EFR3A: variants seen among roughly 807,000 people sequenced by gnomAD.
EFR3A encodes protein EFR3 homolog A.
Under a neutral mutation model 104.4 loss-of-function variants are expected in EFR3A, and 76 were observed. That is an observed-to-expected ratio of 0.73 (90% confidence interval 0.60 to 0.88). The LOEUF (loss-of-function observed/expected upper bound fraction) is 0.88, where lower values mean the gene tolerates loss of function less well. Ranked by LOEUF, EFR3A falls within the 40% of genes least tolerant of loss-of-function variation. The pLI is 0.00. For synonymous variants in EFR3A, 330 were observed against 330.0 expected (o/e 1.00, Z 0.00); for missense variants, 985 against 1,012.5 (o/e 0.97, Z 0.37).
chr8:131,977,285 T>C (rs1820372102), intron 12 of EFR3A, among the ~76,000 whole-genome samples, 193 bp downstream of exon 12: 1 of 152,180 alleles, frequency 6.6e-6, no homozygotes, highest in Admixed American at 6.5e-5. Flanking sequence ...TCACTGTCTT[T>C]GATCTTCATA....
At chr8:131,998,086 C>T (rs1821586178) in intron 19 of EFR3A, among the ~76,000 whole-genome samples, 1 of 152,018 alleles carries the variant, frequency 6.6e-6, no homozygotes, top group South Asian at 2.1e-4. Flanking sequence ...TTTAGTGTCA[C>T]ATTTGCTTGA....
chr8:131,965,710 G>C (rs1033997308), intron 8 of EFR3A, among the ~76,000 whole-genome samples: 3 of 151,742 alleles, frequency 2.0e-5, no homozygotes, highest in Admixed American at 1.3e-4. Flanking sequence ...CCCATTACTG[G>C]GTATATACCC....
intron 8 of EFR3A, among the ~76,000 whole-genome samples, chr8:131,961,477 T>G (rs1474005978): frequency 6.6e-6 from 1 of 152,050 alleles, no homozygotes. Context: ...GAAGATCAAA[T>G]GAATGAAATG....
At chr8:131,911,578 G>C (rs1388713690) in intron 1 of EFR3A, among the ~76,000 whole-genome samples, 2 of 152,132 alleles carry the variant, frequency 1.3e-5, no homozygotes, top group Non-Finnish European at 2.9e-5. Flanking sequence ...AAGGTTCACT[G>C]AAAAATCAAC....
In EFR3A at chr8:132,006,626, C is replaced by T. The variant is rs547983353; in HGVS notation, c.2360+3341C>T. 1.9e-3 allele frequency among the ~76,000 whole-genome samples: 284 copies of T among 152,110 alleles called. 2 individuals carry two copies. The highest frequency in any genetic ancestry group is 6.6e-3 in the African/African-American group (276 of 41,542). On this transcript the variant is annotated intron_variant, in intron 22 of 22. Coordinates refer to ENST00000254624, the MANE Select transcript of EFR3A (RefSeq NM_015137.6). Reference sequence around the variant, plus strand: ...GGTAAGAAATAATACCAGTTTCATACATATTCAGGAAACAAAGGAGGTAGA... The same window carrying T: ...GGTAAGAAATAATACCAGTTTCATATATATTCAGGAAACAAAGGAGGTAGA...
intron 10 of EFR3A, among the ~76,000 whole-genome samples, chr8:131,974,695 T>C (rs768954676): frequency 6.6e-6 from 1 of 152,214 alleles, no homozygotes; most frequent in Non-Finnish European, 1.5e-5. Flanking sequence ...TCCATAAATA[T>C]GTATTCCGTA....
chr8:131,992,521 C>T lies in EFR3A; in HGVS notation c.2066-3885C>T, dbSNP rs138777350. Among the ~76,000 whole-genome samples, 393 of 151,986 alleles carry T rather than the reference C, an allele frequency of 2.6e-3. 1 individual carries two copies. Among genetic ancestry groups the T allele is most frequent in the African/African-American group, 9.0e-3 (371 of 41,440 alleles). ...ATAGGTCAGACATCAGTGTACATGA[C>T]GGTAGTACAAGGGTGAAGGATGATG... On this transcript the variant is annotated intron_variant, in intron 18 of 22. Transcript: ENST00000254624.
intron 12 of EFR3A, 29 bp downstream of exon 12, chr8:131,977,121 C>A: frequency 6.6e-7 from 1 of 1,520,526 alleles, no homozygotes; most frequent in Non-Finnish European, 9.0e-7. Flanking sequence ...ATAAAGGACA[C>A]ACTTAACCTT....
intron 1 of EFR3A, among the ~76,000 whole-genome samples, chr8:131,931,750 G>C (rs781369505): frequency 8.5e-5 from 13 of 152,050 alleles, no homozygotes; most frequent in Admixed American, 1.3e-4. Context: ...AAAAAAACCA[G>C]CTAACATCTT....
At chr8:131,997,091 A>G (rs1253441819) in intron 19 of EFR3A, among the ~76,000 whole-genome samples, 3 of 152,056 alleles carry the variant, frequency 2.0e-5, no homozygotes, top group Non-Finnish European at 4.4e-5. Context: ...TCAAAAAAGC[A>G]CAAGAGTGTA....
chr8:131,951,304 C>T (rs564651433), intron 5 of EFR3A, among the ~76,000 whole-genome samples: 1 of 152,124 alleles, frequency 6.6e-6, no homozygotes, highest in African/African-American at 2.4e-5. Context: ...CATTTAGAGT[C>T]CTGCTATTAT....
chr8:131,995,107 A>G (rs890091285), intron 18 of EFR3A, among the ~76,000 whole-genome samples: 5 of 152,144 alleles, frequency 3.3e-5, no homozygotes, highest in Admixed American at 2.0e-4. Flanking sequence ...AGGAAAAACT[A>G]TTATCTTTGA....
intron 11 of EFR3A, 36 bp downstream of exon 11, chr8:131,976,177 G>A (rs373111841): frequency 7.6e-7 from 1 of 1,310,884 alleles, no homozygotes; most frequent in Non-Finnish European, 1.1e-6. Flanking sequence ...ACTTAATCTT[G>A]AGTTACATTT....
intron 1 of EFR3A, among the ~76,000 whole-genome samples, chr8:131,936,165 G>A (rs1012290087): frequency 2.0e-5 from 3 of 152,080 alleles, no homozygotes; most frequent in Non-Finnish European, 4.4e-5. Flanking sequence ...TCTTCTAGAG[G>A]TCAATTGGCA....
chr8:131,949,874 A>T (rs1818611939), intron 4 of EFR3A, 95 bp from the exon 5 acceptor site: 1 of 1,121,398 alleles, frequency 8.9e-7, no homozygotes, highest in Non-Finnish European at 1.2e-6. Flanking sequence ...ACTTATTTTT[A>T]TATTGCTTGT....
intron 14 of EFR3A, among the ~76,000 whole-genome samples, chr8:131,982,688 A>G (rs1335164659): frequency 6.6e-6 from 1 of 152,158 alleles, no homozygotes; most frequent in Admixed American, 6.6e-5. Context: ...AGGAACTTGA[A>G]GTCTAAATTA....
chr8:131,917,673 ATTAAGT>A (rs901548948), intron 1 of EFR3A, among the ~76,000 whole-genome samples: 7 of 152,154 alleles, frequency 4.6e-5, no homozygotes, highest in Admixed American at 3.9e-4. Flanking sequence ...GTAAGAGTAG[ATTAAGT>A]TTATCTTTAT....
rs528019408 is a variant in EFR3A, at chr8:131,904,651, T to TG, written c.10+331dup. ...GGCCACACGGCTTCGTGGGACTTTA[T>TG]GGAAATATTGAAAATAACTGCGGTA... is the stretch of plus-strand genomic sequence containing the variant. On this transcript the variant is annotated intron_variant, in intron 1 of 22. Coordinates refer to ENST00000254624, the MANE Select transcript of EFR3A (RefSeq NM_015137.6). Among the ~76,000 whole-genome samples, 6 of 152,312 alleles carry TG rather than the reference T, an allele frequency of 3.9e-5. No homozygotes were observed. The South Asian group carries it at 8.3e-4, about 21-fold the overall frequency.
intron 1 of EFR3A, among the ~76,000 whole-genome samples, chr8:131,909,846 TG>T (rs1816427187): frequency 1.3e-5 from 2 of 152,234 alleles, no homozygotes; most frequent in Non-Finnish European, 2.9e-5. Context: ...AAATGTTCTC[TG>T]GGGGACAAAA....
Sources: gnomAD v4.1 joint callset for allele counts (sites outside exome capture counted in the v4.1 genomes callset) on GRCh38, gnomAD v4.1.1 for gene constraint, MANE v1.5 for transcripts, NCBI Gene and HGNC (gene_info 2026-07-23, HGNC 2026-07-21) for gene names.